Variants in FMN2 observed in about 807,000 individuals in gnomAD.
FMN2 encodes the protein formin-2.
In FMN2, 51 loss-of-function variants were observed where a neutral mutation model predicts 142.3. The observed-to-expected ratio is 0.36, with a 90% CI of 0.29 to 0.45. The LOEUF (loss-of-function observed/expected upper bound fraction) is 0.45. FMN2 is among the 20% of genes least tolerant of loss of function. FMN2 has a pLI of 1.00. For synonymous variants in FMN2, 882 were observed against 869.8 expected (o/e 1.01, Z -0.25); for missense variants, 1,936 against 2,122.8 (o/e 0.91, Z 1.73).
intron 1 of FMN2, among the ~76,000 whole-genome samples, chr1:240,119,079 C>G (rs867371118): frequency 1.3e-5 from 2 of 151,786 alleles, no homozygotes; most frequent in African/African-American, 4.8e-5. Flanking sequence ...CCTGGAGTCC[C>G]AGCACTTTGG....
In FMN2 at chr1:240,105,994, A is replaced by G. The variant is rs150101070; in HGVS notation, c.1615+12270A>G. ...ATTTCCATACACTTTTTGGGGAGCC[A>G]TATTCCTAAAACCCAGAAACATTAT... On this transcript the variant is annotated intron_variant, in intron 1 of 17. Coordinates refer to ENST00000319653, the MANE Select transcript of FMN2 (RefSeq NM_020066.5). Among the ~76,000 whole-genome samples, 1,479 of 152,286 alleles carry G rather than the reference A, an allele frequency of 9.7e-3. 20 individuals carry two copies. Among genetic ancestry groups the G allele is most frequent in the African/African-American group, 0.033 (1,387 of 41,562 alleles).
At chr1:240,106,704 G>A (rs1253269592) in intron 1 of FMN2, among the ~76,000 whole-genome samples, 4 of 148,120 alleles carry the variant, frequency 2.7e-5, no homozygotes, top group Non-Finnish European at 4.5e-5. Flanking sequence ...TTTTTTTTGA[G>A]ACAGAGTTTT....
At chr1:240,190,205 G>A (rs1387492022) in intron 4 of FMN2, among the ~76,000 whole-genome samples, 3 of 152,158 alleles carry the variant, frequency 2.0e-5, no homozygotes, top group Non-Finnish European at 4.4e-5. Flanking sequence ...ACAACTTGAA[G>A]ACTCAAGGGT....
At chr1:240,124,778 C>T (rs948858478) in intron 2 of FMN2, among the ~76,000 whole-genome samples, 2 of 152,118 alleles carry the variant, frequency 1.3e-5, no homozygotes, top group African/African-American at 4.8e-5. Flanking sequence ...AGCGATTCTC[C>T]TGCCTCAGCC....
chr1:240,426,977 G>C lies in FMN2; in HGVS notation c.4911-11084G>C, dbSNP rs752238701. Among the ~76,000 whole-genome samples the C allele has an allele frequency of 8.7e-5, 13 of 149,400 alleles. No individual in the cohort carries two copies. The South Asian group carries it at 1.9e-3, about 21-fold the overall frequency. On this transcript the variant is annotated intron_variant, in intron 15 of 17. Coordinates refer to ENST00000319653, the MANE Select transcript of FMN2 (RefSeq NM_020066.5). The stretch of plus-strand genomic sequence containing the variant: ...TGGTCTTGAACTCCTGACCTCTGGT[G>C]ATCCACCCGCCTTGGCCTCCCGAAG...
chr1:240,175,339 A>G (rs1397299840), intron 2 of FMN2, among the ~76,000 whole-genome samples: 1 of 152,222 alleles, frequency 6.6e-6, no homozygotes, highest in Admixed American at 6.5e-5. Flanking sequence ...TGTGGCATAT[A>G]TATCCAGAAG....
At chr1:240,223,578 C>A (rs530731714) in intron 6 of FMN2, among the ~76,000 whole-genome samples, 1 of 152,234 alleles carries the variant, frequency 6.6e-6, no homozygotes, top group African/African-American at 2.4e-5. Flanking sequence ...GGTCTTTGTA[C>A]CTCTGGTAAA....
chr1:240,092,378 C>T lies in FMN2; in HGVS notation c.269C>T (p.Ala90Val). 2 of 1,609,644 alleles carry T rather than the reference C, an allele frequency of 1.2e-6. No homozygotes were observed. Among genetic ancestry groups the T allele is most frequent in the Non-Finnish European group, 1.7e-6 (2 of 1,177,348 alleles). The change falls in exon 1 of 18, where the codon GCC (alanine) becomes GTC (valine). Residue 90 changes from alanine to valine, a missense_variant. Ala to Val is a moderately conservative substitution (Grantham distance 64). Coordinates refer to ENST00000319653, the MANE Select transcript of FMN2 (RefSeq NM_020066.5). ...AAGAATCTGTCCAAGGGGAAAGGCGCCGGCGGCTCCCGCGAAGATGTACTG... is the reference window on the plus strand; with the variant it reads ...AAGAATCTGTCCAAGGGGAAAGGCGTCGGCGGCTCCCGCGAAGATGTACTG... ...IRKNLSKGKG[A>V]GGSREDVLDS...
intron 2 of FMN2, among the ~76,000 whole-genome samples, chr1:240,146,994 G>A (rs17669357): frequency 0.46 from 69,691 of 151,942 alleles, 17,229 homozygotes; most frequent in South Asian, 0.65. Context: ...ATTAGACCCC[G>A]TGGTGAATGC....
At chr1:240,135,164 C>T (rs1662887712) in intron 2 of FMN2, among the ~76,000 whole-genome samples, 1 of 152,174 alleles carries the variant, frequency 6.6e-6, no homozygotes, top group Non-Finnish European at 1.5e-5. Context: ...AGAATAGGGA[C>T]CTCCATTTCA....
At chr1:240,263,644 C>T (rs78079900) in intron 7 of FMN2, among the ~76,000 whole-genome samples, 1 of 152,118 alleles carries the variant, frequency 6.6e-6, no homozygotes, top group Non-Finnish European at 1.5e-5. Context: ...GCCTTTCTTG[C>T]GTAGTGCTGG....
intron 16 of FMN2, among the ~76,000 whole-genome samples, chr1:240,466,479 G>A (rs1676622688): frequency 6.6e-6 from 1 of 152,044 alleles, no homozygotes; most frequent in African/African-American, 2.4e-5. Flanking sequence ...AATAAGTAAA[G>A]ATGTTTTATA....
intron 7 of FMN2, among the ~76,000 whole-genome samples, chr1:240,288,125 G>T (rs1339429223): frequency 1.3e-5 from 2 of 152,108 alleles, no homozygotes; most frequent in East Asian, 1.9e-4. Context: ...TTCAGCATTC[G>T]AGAAAGATGT....
chr1:240,200,916 C>A (rs550939184), intron 4 of FMN2, among the ~76,000 whole-genome samples: 1 of 152,192 alleles, frequency 6.6e-6, no homozygotes, highest in East Asian at 1.9e-4. Flanking sequence ...ACTCTTCCAC[C>A]TTCCTGGCAC....
chr1:240,471,276 A>G (rs541472242), intron 16 of FMN2, among the ~76,000 whole-genome samples: 2 of 152,212 alleles, frequency 1.3e-5, no homozygotes, highest in South Asian at 4.1e-4. Context: ...CTGCTCAAGT[A>G]TTTATTGCAA....
intron 2 of FMN2, among the ~76,000 whole-genome samples, 166 bp downstream of exon 2, chr1:240,123,511 A>G (rs1207482775): frequency 1.3e-5 from 2 of 151,106 alleles, no homozygotes; most frequent in South Asian, 4.2e-4. Context: ...TACACAAAAA[A>G]AAAAAAAAAA....
At chr1:240,336,836 G>T (rs1317776823) in intron 13 of FMN2, among the ~76,000 whole-genome samples, 1 of 151,996 alleles carries the variant, frequency 6.6e-6, no homozygotes, top group East Asian at 1.9e-4. Flanking sequence ...TTACAAAGCT[G>T]TCAAACTCTG....
intron 2 of FMN2, among the ~76,000 whole-genome samples, chr1:240,139,902 A>C (rs2103250046): frequency 6.6e-6 from 1 of 152,318 alleles, no homozygotes; most frequent in South Asian, 2.1e-4. Context: ...TAGGCTACAA[A>C]GTCAGAAGAC....
At chr1:240,411,989 AAGAG>A (rs1674410255) in intron 15 of FMN2, among the ~76,000 whole-genome samples, 2 of 152,170 alleles carry the variant, frequency 1.3e-5, no homozygotes, top group African/African-American at 4.8e-5. Flanking sequence ...TAGGAGCAGA[AAGAG>A]AGAGTCCACG....
Sources: gnomAD v4.1 joint callset for allele counts (sites outside exome capture counted in the v4.1 genomes callset) on GRCh38, gnomAD v4.1.1 for gene constraint, MANE v1.5 for transcripts, NCBI Gene and HGNC (gene_info 2026-07-23, HGNC 2026-07-21) for gene names.